The following ABCD2 variants were observed in gnomAD, a reference collection of about 807,000 sequenced individuals.
ABCD2 encodes ATP-binding cassette sub-family D member 2.
In ABCD2, 36 loss-of-function variants were observed where a neutral mutation model predicts 70.9. The observed-to-expected ratio is 0.51, with a 90% CI of 0.39 to 0.67. The LOEUF is 0.67. ABCD2 is among the 30% of genes least tolerant of loss of function. The pLI, the probability that ABCD2 is intolerant of heterozygous loss-of-function variation, is 0.00. For synonymous variants in ABCD2, 304 were observed against 306.9 expected (o/e 0.99, Z 0.10); for missense variants, 729 against 890.2 (o/e 0.82, Z 2.30).
At chr12:39,608,284 C>T (rs530221776) in intron 2 of ABCD2, among the ~76,000 whole-genome samples, 1 of 152,116 alleles carries the variant, frequency 6.6e-6, no homozygotes, top group East Asian at 1.9e-4. Context: ...TTATTTTTTC[C>T]AAAATGAGAG....
At chr12:39,607,452 T>C (rs925803140) in intron 3 of ABCD2, 147 bp downstream of exon 3, 13 of 613,054 alleles carry the variant, frequency 2.1e-5, no homozygotes, top group Non-Finnish European at 3.5e-5. Context: ...CACTTGTGAA[T>C]TGCTGCCCTT....
At chr12:39,617,760 G>A (rs1942136367) in intron 1 of ABCD2, among the ~76,000 whole-genome samples, 1 of 152,090 alleles carries the variant, frequency 6.6e-6, no homozygotes, top group Non-Finnish European at 1.5e-5. Context: ...AATTACAGAT[G>A]CTTTAAAAAT....
At chr12:39,590,272 A>T (rs778692869) in intron 6 of ABCD2, among the ~76,000 whole-genome samples, 47 of 152,226 alleles carry the variant, frequency 3.1e-4, no homozygotes, top group Non-Finnish European at 5.6e-4. Flanking sequence ...TATTTCAGGT[A>T]GATCAATTAC....
intron 7 of ABCD2, among the ~76,000 whole-genome samples, chr12:39,580,494 T>C (rs1941582316): frequency 6.6e-6 from 1 of 152,180 alleles, no homozygotes; most frequent in Non-Finnish European, 1.5e-5. Context: ...TATATCATCA[T>C]TGTCTTTCTG....
intron 9 of ABCD2, among the ~76,000 whole-genome samples, chr12:39,563,975 G>C (rs1941301470): frequency 6.6e-6 from 1 of 152,272 alleles, no homozygotes; most frequent in African/African-American, 2.4e-5. Flanking sequence ...TTTTATGGCT[G>C]CATAGTATTC....
chr12:39,568,666 G>T (rs1181536530), intron 9 of ABCD2, among the ~76,000 whole-genome samples: 1 of 152,170 alleles, frequency 6.6e-6, no homozygotes, highest in East Asian at 1.9e-4. Flanking sequence ...TCCGTTGCTG[G>T]TGAGGAGCTG....
intron 5 of ABCD2, 125 bp downstream of exon 5, chr12:39,603,787 C>A: frequency 1.5e-6 from 1 of 668,690 alleles, no homozygotes. Context: ...AGCCACTGTG[C>A]ATACCTTTCT....
At chr12:39,549,505 G>A (rs963639407), downstream of ABCD2, among the ~76,000 whole-genome samples, 1 of 151,818 alleles carries the variant, frequency 6.6e-6, no homozygotes, top group African/African-American at 2.4e-5. Context: ...CTGAATCAGT[G>A]AATGAATAAT....
chr12:39,556,434 G>A (rs1225312696), intron 9 of ABCD2, among the ~76,000 whole-genome samples: 8 of 152,032 alleles, frequency 5.3e-5, no homozygotes, highest in Non-Finnish European at 2.9e-5. Flanking sequence ...GAGTTTTCAT[G>A]AGATCTGGTG....
intron 8 of ABCD2, among the ~76,000 whole-genome samples, chr12:39,575,729 T>C (rs1941507645): frequency 2.6e-5 from 4 of 152,242 alleles, no homozygotes; most frequent in Admixed American, 2.6e-4. Flanking sequence ...TTCACTAGAT[T>C]GAATACCTAA....
intron 8 of ABCD2, among the ~76,000 whole-genome samples, chr12:39,578,751 G>T (rs978783800): frequency 9.9e-5 from 15 of 151,754 alleles, no homozygotes; most frequent in African/African-American, 3.6e-4. Context: ...ACGCAGAATG[G>T]TCCCTTTTTC....
At chr12:39,554,703 C>T (rs936629048) in intron 9 of ABCD2, among the ~76,000 whole-genome samples, 1 of 152,130 alleles carries the variant, frequency 6.6e-6, no homozygotes, top group Non-Finnish European at 1.5e-5. Flanking sequence ...TTTCTTATGG[C>T]TCAGTTTCAT....
At position 39,553,681 on chromosome 12, in the gene ABCD2, A is replaced by G; in HGVS notation, c.*231T>C. On this transcript the variant is annotated 3_prime_UTR_variant, in exon 10 of 10. Transcript: ENST00000308666. ...CTAGAAAATCCTGTTTTACAAGTGC[A>G]TTAGGCCTTCACTAGGAATTAGTAT... The G allele has an allele frequency of 2.1e-6, 1 of 468,720 alleles. No individual in the cohort carries two copies. Among genetic ancestry groups the G allele is most frequent in the Non-Finnish European group, 3.8e-6 (1 of 263,796 alleles). The allele number at this position is 468,720 out of a possible 1,614,324, so 29.0% of individuals were successfully genotyped here. A position where few individuals can be genotyped will look rare whatever the true frequency, so the allele number is the denominator to read the frequency against.
chr12:39,562,973 G>T (rs773010055), intron 9 of ABCD2, among the ~76,000 whole-genome samples: 1 of 152,190 alleles, frequency 6.6e-6, no homozygotes, highest in African/African-American at 2.4e-5. Flanking sequence ...CCATGATCAC[G>T]TGGAATTCAT....
the ABCD2 span, among the ~76,000 whole-genome samples, chr12:39,533,535 A>G: frequency 6.6e-6 from 1 of 152,214 alleles, no homozygotes; most frequent in East Asian, 1.9e-4. Context: ...CATACCTCAC[A>G]ATATTTCTAA....
chr12:39,567,733 C>T (rs1437743005), intron 9 of ABCD2, among the ~76,000 whole-genome samples: 1 of 152,192 alleles, frequency 6.6e-6, no homozygotes, highest in Non-Finnish European at 1.5e-5. Context: ...ATGGTCTTTA[C>T]AATTAGGCAT....
At chr12:39,606,195 A>C (rs1214907152) in intron 3 of ABCD2, among the ~76,000 whole-genome samples, 1 of 152,168 alleles carries the variant, frequency 6.6e-6, no homozygotes, top group African/African-American at 2.4e-5. Flanking sequence ...ATGGAATGTG[A>C]AGACGGTAGG....
chr12:39,578,998 C>T (rs1591979857), intron 8 of ABCD2, among the ~76,000 whole-genome samples: 1 of 152,060 alleles, frequency 6.6e-6, no homozygotes, highest in Non-Finnish European at 1.5e-5. Flanking sequence ...CCTTTGTACA[C>T]ATTATTTCAT....
chr12:39,568,884 G>T (rs1941402450), intron 9 of ABCD2, among the ~76,000 whole-genome samples: 1 of 152,188 alleles, frequency 6.6e-6, no homozygotes, highest in South Asian at 2.1e-4. Flanking sequence ...GAGTTTGCTA[G>T]AGGTCCACTC....
Sources: allele counts gnomAD v4.1 joint callset (sites outside exome capture counted in the v4.1 genomes callset), GRCh38; gene constraint gnomAD v4.1.1; transcripts MANE v1.5; gene names NCBI Gene and HGNC (gene_info 2026-07-23, HGNC 2026-07-21).